Variants in PLXDC2 observed in about 807,000 individuals in gnomAD.
PLXDC2 encodes the protein plexin domain-containing protein 2.
A neutral mutation model predicts 68.9 loss-of-function variants in PLXDC2; 40 were observed. That is an observed-to-expected ratio of 0.58 (90% CI 0.45 to 0.76). The LOEUF is 0.76. PLXDC2 is among the 30% of genes least tolerant of loss of function. The pLI is 0.00. For synonymous variants in PLXDC2, 243 were observed against 234.2 expected, an observed-to-expected ratio of 1.04 and a Z score of -0.34; for missense variants, 644 against 661.9, an observed-to-expected ratio of 0.97 and a Z score of 0.30.
At chr10:19,830,224 T>G (rs1836661328) in intron 1 of PLXDC2, among the ~76,000 whole-genome samples, 1 of 152,212 alleles carries the variant, frequency 6.6e-6, no homozygotes, top group Non-Finnish European at 1.5e-5. Context: ...TAAGAGATTT[T>G]TCAGATACAG....
chr10:20,170,244 A>G (rs2358860), intron 7 of PLXDC2, among the ~76,000 whole-genome samples: 134,734 of 152,212 alleles, frequency 0.89, 59,820 homozygotes, highest in Non-Finnish European at 0.91. Context: ...AGGCTGGAGT[A>G]CAGTGGGACG....
At chr10:20,061,867 T>C (rs1836110686) in intron 3 of PLXDC2, among the ~76,000 whole-genome samples, 1 of 152,230 alleles carries the variant, frequency 6.6e-6, no homozygotes, top group Non-Finnish European at 1.5e-5. Context: ...TTTAAGTCTT[T>C]AAGAGCTGTG....
chr10:20,134,146 T>G (rs1833903693), intron 4 of PLXDC2, among the ~76,000 whole-genome samples: 1 of 152,196 alleles, frequency 6.6e-6, no homozygotes, highest in African/African-American at 2.4e-5. Context: ...GTACTTGTGT[T>G]CTCCTGTAGC....
At chr10:20,161,243 G>A (rs1485153334) in intron 6 of PLXDC2, among the ~76,000 whole-genome samples, 1 of 152,032 alleles carries the variant, frequency 6.6e-6, no homozygotes, top group Non-Finnish European at 1.5e-5. Context: ...GATCTCAGCT[G>A]AGCTTCTGAA....
At chr10:19,919,977 A>C (rs1446810939) in intron 1 of PLXDC2, among the ~76,000 whole-genome samples, 5 of 152,242 alleles carry the variant, frequency 3.3e-5, no homozygotes, top group Non-Finnish European at 7.3e-5. Context: ...ACAAATGACA[A>C]CTTTACCCAC....
At chr10:19,972,318 T>C (rs996987544) in intron 1 of PLXDC2, among the ~76,000 whole-genome samples, 1 of 152,132 alleles carries the variant, frequency 6.6e-6, no homozygotes, top group African/African-American at 2.4e-5. Context: ...CTGGAGACTG[T>C]TATCCTAAGC....
chr10:20,218,428 A>G (rs1835168333), intron 11 of PLXDC2, among the ~76,000 whole-genome samples: 1 of 152,332 alleles, frequency 6.6e-6, no homozygotes, highest in East Asian at 1.9e-4. Context: ...TACTGCTTTT[A>G]AAAGCAACAT....
chr10:20,268,002 A>G (rs1835892926), intron 13 of PLXDC2, among the ~76,000 whole-genome samples: 1 of 152,150 alleles, frequency 6.6e-6, no homozygotes, highest in African/African-American at 2.4e-5. Context: ...AATCTGTGTA[A>G]AGGACAGTAA....
intron 1 of PLXDC2, among the ~76,000 whole-genome samples, chr10:19,934,564 A>G (rs1219787748): frequency 6.6e-6 from 1 of 152,182 alleles, no homozygotes; most frequent in African/African-American, 2.4e-5. Context: ...TCTTGTTAAT[A>G]GTCTTGGCCC....
intron 1 of PLXDC2, among the ~76,000 whole-genome samples, chr10:19,837,852 A>C (rs1250050731): frequency 6.6e-6 from 1 of 152,112 alleles, no homozygotes; most frequent in Non-Finnish European, 1.5e-5. Flanking sequence ...GTTTTGGTTT[A>C]GTTTATTTCT....
chr10:20,036,316 ACT>A (rs1835577666), intron 2 of PLXDC2, among the ~76,000 whole-genome samples: 2 of 151,866 alleles, frequency 1.3e-5, no homozygotes, highest in Non-Finnish European at 2.9e-5. Flanking sequence ...ACTCCAGGGA[ACT>A]CTCTGTCCAT....
chr10:19,829,154 C>CTTTTTTTTTTTTTTTTT (rs71388870), intron 1 of PLXDC2, among the ~76,000 whole-genome samples: 13 of 94,424 alleles, frequency 1.4e-4, no homozygotes, highest in Non-Finnish European at 2.2e-4. Flanking sequence ...ACGCTTTCCT[C>CTTTTTTTTTTTTTTTTT]TTTTTTTTTT....
intron 9 of PLXDC2, among the ~76,000 whole-genome samples, chr10:20,195,752 C>T (rs1725432903): frequency 2.0e-5 from 3 of 151,986 alleles, no homozygotes; most frequent in African/African-American, 7.2e-5. Flanking sequence ...CTCCACAGTC[C>T]AAATTTGCTA....
intron 1 of PLXDC2, among the ~76,000 whole-genome samples, chr10:19,991,258 AAC>A (rs1834745676): frequency 6.6e-6 from 1 of 150,914 alleles, no homozygotes. Flanking sequence ...AAAAAAAAAA[AAC>A]AACAACTGTG....
At chr10:20,259,007 C>CAA (rs59615493) in intron 13 of PLXDC2, among the ~76,000 whole-genome samples, 33,443 of 101,662 alleles carry the variant, frequency 0.33, 4,511 homozygotes, top group African/African-American at 0.42. Context: ...TACTCCGTCT[C>CAA]AAAAAAAAAA....
intron 1 of PLXDC2, among the ~76,000 whole-genome samples, chr10:19,910,035 A>C (rs998351379): frequency 6.6e-6 from 1 of 152,154 alleles, no homozygotes; most frequent in Non-Finnish European, 1.5e-5. Context: ...AATCTTTCAC[A>C]TACATTTTAC....
chr10:20,071,974 A>G (rs1043802227), intron 4 of PLXDC2, among the ~76,000 whole-genome samples: 38 of 152,262 alleles, frequency 2.5e-4, no homozygotes, highest in African/African-American at 7.9e-4. Context: ...GCTGTCAACT[A>G]AATTAGTTTA....
At chr10:20,014,761 T>A (rs915153024) in intron 2 of PLXDC2, among the ~76,000 whole-genome samples, 1 of 152,204 alleles carries the variant, frequency 6.6e-6, no homozygotes, top group East Asian at 1.9e-4. Flanking sequence ...AAAATTTTGC[T>A]TTGTCCATGT....
chr10:20,169,280 A>G (rs575673524), intron 7 of PLXDC2, among the ~76,000 whole-genome samples: 23 of 152,172 alleles, frequency 1.5e-4, no homozygotes, highest in Non-Finnish European at 2.9e-4. Flanking sequence ...ACCCATTGTT[A>G]TATTAGAAAT....
Sources: gnomAD v4.1 joint callset for allele counts (sites outside exome capture counted in the v4.1 genomes callset) on GRCh38, gnomAD v4.1.1 for gene constraint, MANE v1.5 for transcripts, NCBI Gene and HGNC (gene_info 2026-07-23, HGNC 2026-07-21) for gene names.